FRMD4A: variants seen among roughly 807,000 people sequenced by gnomAD.
FRMD4A encodes FERM domain containing 4A.
In FRMD4A, 29 loss-of-function variants were observed where a neutral mutation model predicts 129.1. The ratio of observed to expected loss-of-function variants is 0.22; its 90% confidence interval spans 0.17 to 0.31. The LOEUF is 0.31. Ranked by LOEUF, FRMD4A falls within the 10% of genes least tolerant of loss-of-function variation. The pLI, the probability that FRMD4A is intolerant of heterozygous loss-of-function variation, is 1.00. For synonymous variants in FRMD4A, 634 were observed against 571.6 expected (o/e 1.11, Z -1.56); for missense variants, 1,272 against 1,375.8 (o/e 0.92, Z 1.19).
intron 2 of FRMD4A, among the ~76,000 whole-genome samples, chr10:13,996,909 T>C (rs1588709970): frequency 6.6e-6 from 1 of 151,964 alleles, no homozygotes; most frequent in Non-Finnish European, 1.5e-5. Flanking sequence ...AATTATACTT[T>C]CTAAATCTAT....
chr10:14,087,491 A>G (rs1428292895), intron 2 of FRMD4A: 1 of 151,974 alleles, frequency 6.6e-6, no homozygotes, highest in Non-Finnish European at 1.5e-5. Flanking sequence ...AGCTATGATT[A>G]TTATTGTTTT....
At chr10:13,652,863 C>G (rs1349031186) in intron 23 of FRMD4A, 7 of 152,206 alleles carry the variant, frequency 4.6e-5, no homozygotes, top group African/African-American at 1.4e-4. Context: ...CGAGAATTTG[C>G]ATTTCTGACA....
intron 2 of FRMD4A, among the ~76,000 whole-genome samples, chr10:14,296,779 T>G (rs1846023289): frequency 6.6e-6 from 1 of 152,204 alleles, no homozygotes; most frequent in Non-Finnish European, 1.5e-5. Context: ...ATCCTCATTT[T>G]TTGCAGCTCT....
rs976945612 is a variant in FRMD4A at position 13,861,754 on chromosome 10, A to G, written c.46-2842T>C. On this transcript the variant is annotated intron_variant, in intron 2 of 24. Transcript: ENST00000357447. The stretch of plus-strand genomic sequence containing the variant: ...GCTCAAGTCCTATTAGAATCCATCA[A>G]CCTTGCACAGAGTAAGCATCTTCAC... 4.6e-5 allele frequency among the ~76,000 whole-genome samples: 7 copies of G among 152,308 alleles called. No homozygotes were observed. In the East Asian group the frequency reaches 1.2e-3, roughly 25 times the overall value.
chr10:14,099,994 G>A (rs1403975359), intron 2 of FRMD4A, among the ~76,000 whole-genome samples: 4 of 152,072 alleles, frequency 2.6e-5, no homozygotes, highest in Non-Finnish European at 5.9e-5. Flanking sequence ...TCAGTTCTCT[G>A]TCCCTGCCAT....
intron 2 of FRMD4A, among the ~76,000 whole-genome samples, chr10:14,158,005 C>A (rs530340904): frequency 9.9e-5 from 15 of 152,276 alleles, no homozygotes; most frequent in Non-Finnish European, 1.9e-4. Flanking sequence ...GCCAGGGAAA[C>A]CATGACCTTC....
At chr10:14,283,634 A>C (rs1220768421) in intron 2 of FRMD4A, among the ~76,000 whole-genome samples, 1 of 152,164 alleles carries the variant, frequency 6.6e-6, no homozygotes, top group Non-Finnish European at 1.5e-5. Context: ...CCATTTACTC[A>C]TCACCTCATA....
At chr10:14,281,449 G>A (rs1173921541) in intron 2 of FRMD4A, among the ~76,000 whole-genome samples, 1 of 152,230 alleles carries the variant, frequency 6.6e-6, no homozygotes, top group African/African-American at 2.4e-5. Context: ...AACCAACCCT[G>A]CTGATAACAT....
chr10:13,679,219 C>T (rs1443246124), intron 15 of FRMD4A, among the ~76,000 whole-genome samples: 3 of 150,600 alleles, frequency 2.0e-5, no homozygotes, highest in East Asian at 2.0e-4. Flanking sequence ...GTCAGGAGGT[C>T]AAGACCAGCT....
intron 2 of FRMD4A, among the ~76,000 whole-genome samples, chr10:14,152,357 C>T (rs930218211): frequency 2.6e-5 from 4 of 151,764 alleles, no homozygotes; most frequent in South Asian, 4.2e-4. Context: ...CTCGATCTCC[C>T]GACAACGTAA....
intron 3 of FRMD4A, among the ~76,000 whole-genome samples, chr10:13,848,560 T>C (rs1462642540): frequency 6.6e-6 from 1 of 151,838 alleles, no homozygotes; most frequent in Non-Finnish European, 1.5e-5. Flanking sequence ...ATGGGGATGG[T>C]CTCTTCTCCT....
At chr10:14,284,902 C>T (rs1048448739) in intron 2 of FRMD4A, among the ~76,000 whole-genome samples, 5 of 152,120 alleles carry the variant, frequency 3.3e-5, no homozygotes, top group Admixed American at 6.5e-5. Context: ...CTCTTATACC[C>T]GCAGGAGGAG....
At chr10:13,774,416 G>A (rs1417752946) in intron 6 of FRMD4A, among the ~76,000 whole-genome samples, 2 of 152,168 alleles carry the variant, frequency 1.3e-5, no homozygotes, top group Non-Finnish European at 2.9e-5. Flanking sequence ...AAAGAGATGA[G>A]AGGTTCGTTC....
At chr10:13,915,088 C>T (rs1260443540) in intron 2 of FRMD4A, among the ~76,000 whole-genome samples, 4 of 152,074 alleles carry the variant, frequency 2.6e-5, no homozygotes, top group South Asian at 2.1e-4. Context: ...TTAATGGGAC[C>T]GACATATTAA....
At chr10:14,087,559 G>A (rs1024736743) in intron 2 of FRMD4A, 10 of 152,032 alleles carry the variant, frequency 6.6e-5, no homozygotes, top group Non-Finnish European at 1.3e-4. Context: ...CAGTGTGTGC[G>A]GCTGAGGTGC....
At chr10:13,784,990 C>CAAAAA (rs35375065) in intron 5 of FRMD4A, among the ~76,000 whole-genome samples, 1 of 98,432 alleles carries the variant, frequency 1.0e-5, no homozygotes, top group Non-Finnish European at 2.1e-5. Context: ...GACTCTATCT[C>CAAAAA]AAAAAAAAAA....
chr10:14,183,785 T>C (rs1281351692), intron 2 of FRMD4A, among the ~76,000 whole-genome samples: 1 of 152,200 alleles, frequency 6.6e-6, no homozygotes, highest in Non-Finnish European at 1.5e-5. Flanking sequence ...ATGCCTGAGG[T>C]CATAAAGCCA....
intron 2 of FRMD4A, among the ~76,000 whole-genome samples, chr10:13,967,139 A>C (rs1305214683): frequency 6.6e-6 from 1 of 152,224 alleles, no homozygotes; most frequent in African/African-American, 2.4e-5. Flanking sequence ...AATTGAGACC[A>C]TCCTGGCTAA....
At chr10:13,701,666 G>T (rs1273595384) in intron 13 of FRMD4A, among the ~76,000 whole-genome samples, 188 bp from the exon 14 acceptor site, 1 of 152,154 alleles carries the variant, frequency 6.6e-6, no homozygotes, top group Non-Finnish European at 1.5e-5. Context: ...ATCATTGGCT[G>T]GGCAAAGGCC....
Sources: gnomAD v4.1 joint callset for allele counts (sites outside exome capture counted in the v4.1 genomes callset) on GRCh38, gnomAD v4.1.1 for gene constraint, MANE v1.5 for transcripts, NCBI Gene and HGNC (gene_info 2026-07-23, HGNC 2026-07-21) for gene names.